Variants in ROBO1 observed in about 807,000 individuals in gnomAD.
ROBO1 encodes roundabout homolog 1.
Under a neutral mutation model 195.9 loss-of-function variants are expected in ROBO1, and 149 were observed. That is an observed-to-expected ratio of 0.76 (90% CI 0.67 to 0.87). ROBO1 has a LOEUF of 0.87. Among genes scored for constraint, ROBO1 ranks in the 40% least tolerant of loss-of-function variants. The probability of loss-of-function intolerance (pLI) is 0.00; values close to 1 mark genes in which losing one functional copy is unlikely to be tolerated. For synonymous variants in ROBO1, 816 were observed against 733.2 expected, an observed-to-expected ratio of 1.11 and a Z score of -1.82; for missense variants, 1,933 against 2,068.3, an observed-to-expected ratio of 0.93 and a Z score of 1.27.
intron 5 of ROBO1, among the ~76,000 whole-genome samples, chr3:78,736,789 T>C (rs138544063): frequency 1.3e-5 from 2 of 152,296 alleles, no homozygotes; most frequent in East Asian, 3.9e-4. Context: ...AGGTGTAAAA[T>C]GCTTGGCTTT....
At chr3:78,626,264 C>CAA (rs1438190650) in intron 26 of ROBO1, among the ~76,000 whole-genome samples, 1 of 152,156 alleles carries the variant, frequency 6.6e-6, no homozygotes, top group African/African-American at 2.4e-5. Context: ...TATTTGCTCT[C>CAA]AATTTTCGTA....
chr3:78,922,232 C>G (rs1358253553), intron 4 of ROBO1, among the ~76,000 whole-genome samples: 1 of 152,102 alleles, frequency 6.6e-6, no homozygotes, highest in African/African-American at 2.4e-5. Context: ...AACCTCTCAC[C>G]TGAATGGATT....
chr3:79,360,088 C>T (rs2109300945), intron 2 of ROBO1, among the ~76,000 whole-genome samples: 1 of 152,098 alleles, frequency 6.6e-6, no homozygotes, highest in African/African-American at 2.4e-5. Flanking sequence ...ATGTTCTCTG[C>T]AAATGTTTTG....
intron 2 of ROBO1, among the ~76,000 whole-genome samples, chr3:79,374,247 T>A (rs557943336): frequency 1.1e-3 from 168 of 152,302 alleles, no homozygotes; most frequent in African/African-American, 3.9e-3. Flanking sequence ...TAGTCTCTTA[T>A]GAAATATGTA....
At chr3:79,056,429 A>T (rs2078810302) in intron 3 of ROBO1, among the ~76,000 whole-genome samples, 1 of 152,124 alleles carries the variant, frequency 6.6e-6, no homozygotes, top group South Asian at 2.1e-4. Flanking sequence ...GCTGGATTAC[A>T]CATCGCTCAG....
intron 10 of ROBO1, among the ~76,000 whole-genome samples, chr3:78,681,451 GA>G (rs1485161157): frequency 2.0e-5 from 3 of 152,136 alleles, no homozygotes; most frequent in Non-Finnish European, 4.4e-5. Context: ...AATGTCTAAC[GA>G]AGAACATAGG....
intron 1 of ROBO1, 35 bp from the exon 2 acceptor site, chr3:79,589,996 T>A: frequency 1.1e-6 from 1 of 880,888 alleles, no homozygotes; most frequent in South Asian, 1.6e-5. Flanking sequence ...TTTGTAATGG[T>A]TAGCTATGCT....
intron 3 of ROBO1, among the ~76,000 whole-genome samples, chr3:78,962,823 CAA>C (rs770515270): frequency 2.3e-4 from 6 of 26,192 alleles, no homozygotes; most frequent in Admixed American, 5.5e-4. Context: ...GACTCCATCT[CAA>C]AAAAAAAAAA....
At chr3:79,751,029 A>G (rs1466082928) in intron 1 of ROBO1, among the ~76,000 whole-genome samples, 1 of 152,238 alleles carries the variant, frequency 6.6e-6, no homozygotes, top group Non-Finnish European at 1.5e-5. Context: ...GTAGATTTGT[A>G]GTCTAACTCT....
intron 4 of ROBO1, among the ~76,000 whole-genome samples, chr3:78,897,909 A>G (rs2037334386): frequency 6.6e-6 from 1 of 151,936 alleles, no homozygotes; most frequent in African/African-American, 2.4e-5. Context: ...TTAATCTACA[A>G]CTTGCATAGT....
intron 14 of ROBO1, among the ~76,000 whole-genome samples, chr3:78,665,885 T>G (rs1707703513): frequency 6.6e-6 from 1 of 152,090 alleles, no homozygotes; most frequent in African/African-American, 2.4e-5. Flanking sequence ...AGTATTCCAG[T>G]TAACAAGGAT....
chr3:79,766,389 G>A (rs1704991099), intron 1 of ROBO1, among the ~76,000 whole-genome samples: 1 of 151,536 alleles, frequency 6.6e-6, no homozygotes, highest in Admixed American at 6.6e-5. Flanking sequence ...TGGGAGCTCC[G>A]ACTCGAGGCA....
chr3:78,952,240 T>C (rs1255110240), intron 3 of ROBO1, among the ~76,000 whole-genome samples: 10 of 151,288 alleles, frequency 6.6e-5, no homozygotes, highest in Admixed American at 6.6e-4. Flanking sequence ...TATAAAACTG[T>C]TAAAAGCAGA....
intron 2 of ROBO1, among the ~76,000 whole-genome samples, chr3:79,503,142 G>A (rs1167812892): frequency 6.6e-6 from 1 of 152,192 alleles, no homozygotes; most frequent in East Asian, 1.9e-4. Context: ...ATTATGAGCT[G>A]TAACACTCAC....
chr3:78,644,327 AG>A (rs1706148712), intron 21 of ROBO1, among the ~76,000 whole-genome samples: 1 of 152,158 alleles, frequency 6.6e-6, no homozygotes, highest in African/African-American at 2.4e-5. Flanking sequence ...AAGGTCTGGA[AG>A]GGCAGGAATT....
intron 1 of ROBO1, among the ~76,000 whole-genome samples, chr3:79,749,528 C>A (rs1281665812): frequency 6.6e-6 from 1 of 152,190 alleles, no homozygotes; most frequent in African/African-American, 2.4e-5. Flanking sequence ...GCAGCCCCTT[C>A]CATCACAGGC....
In ROBO1 at chr3:79,549,961, T is replaced by TA. The variant is rs78529584; in HGVS notation, c.88+39862dup. Among the ~76,000 whole-genome samples, 550 of 151,178 alleles carry TA rather than the reference T, an allele frequency of 3.6e-3. 2 individuals carry two copies. Among genetic ancestry groups the TA allele is most frequent in the African/African-American group, 0.011 (466 of 41,102 alleles). ...GCAACATAGTAAGACATCATCTCTATAAAAAAATTAAAAATTAGCTGGACT... is the reference window on the plus strand; with the variant it reads ...GCAACATAGTAAGACATCATCTCTATAAAAAAAATTAAAAATTAGCTGGACT... On this transcript the variant is annotated intron_variant, in intron 2 of 30. Coordinates refer to ENST00000464233, the MANE Select transcript of ROBO1 (RefSeq NM_002941.4).
intron 27 of ROBO1, among the ~76,000 whole-genome samples, chr3:78,617,178 T>C (rs2107387315): frequency 6.6e-6 from 1 of 152,296 alleles, no homozygotes; most frequent in African/African-American, 2.4e-5. Context: ...TGGATATTTA[T>C]GTATTTTCCC....
intron 2 of ROBO1, among the ~76,000 whole-genome samples, chr3:79,386,896 A>AT (rs2036769384): frequency 6.6e-6 from 1 of 151,368 alleles, no homozygotes; most frequent in Non-Finnish European, 1.5e-5. Flanking sequence ...GTTATTTTGC[A>AT]TCAAAAAAAA....
Sources: allele counts gnomAD v4.1 joint callset (sites outside exome capture counted in the v4.1 genomes callset), GRCh38; gene constraint gnomAD v4.1.1; transcripts MANE v1.5; gene names NCBI Gene and HGNC (gene_info 2026-07-23, HGNC 2026-07-21).